SIK3: variants seen among roughly 807,000 people sequenced by gnomAD.
SIK3 encodes SIK family kinase 3, also known as serine/threonine-protein kinase SIK3.
Under a neutral mutation model 144.2 loss-of-function variants are expected in SIK3, and 28 were observed. That is an observed-to-expected ratio of 0.19 (90% CI 0.14 to 0.27). SIK3 has a LOEUF of 0.27. Ranked by LOEUF, SIK3 falls within the 10% of genes least tolerant of loss-of-function variation. SIK3 has a pLI of 1.00. For missense variants in SIK3, 1,319 were observed against 1,776.0 expected (o/e 0.74, Z 4.62); for synonymous variants, 686 against 676.3 (o/e 1.01, Z -0.22).
intron 4 of SIK3, among the ~76,000 whole-genome samples, chr11:116,912,532 C>T (rs950113076): frequency 1.3e-5 from 2 of 152,194 alleles, no homozygotes. Context: ...TACTAGTGTT[C>T]TCAGTGTCTC....
In SIK3 at chr11:117,070,752, CTTTTT is replaced by C. The variant is rs368884148; in HGVS notation, c.273+27386_273+27390del. ...TGAGCCACTGCGCCCGGCCCTTTTT[CTTTTT>C]TTTTTTTTTTTTGTGACGAAGTTTC... On this transcript the variant is annotated intron_variant, in intron 1 of 24. Transcript: ENST00000445177. Among the ~76,000 whole-genome samples the C allele has an allele frequency of 2.3e-5, 3 of 128,148 alleles. No individual in the cohort carries two copies. The East Asian group carries it at 6.7e-4, about 29-fold the overall frequency. The allele number at this position is 128,148 out of a possible 152,430, so 84.1% of individuals were successfully genotyped here. A position where few individuals can be genotyped will look rare whatever the true frequency, so the allele number is the denominator to read the frequency against.
rs954746660 is a variant in SIK3, at chr11:116,843,603, TTAG to T, written c.*2037_*2039del. The stretch of plus-strand genomic sequence containing the variant: ...AAGTGTAGTTTGCAAGATGGCACGG[TTAG>T]TAGGCTCACTGGCTTTCATCTGTTG... On this transcript the variant is annotated 3_prime_UTR_variant, in exon 25 of 25. Transcript: ENST00000445177. The T allele has an allele frequency of 5.3e-5, 8 of 152,098 alleles. No homozygotes were observed. The highest frequency in any genetic ancestry group is 1.9e-4 in the African/African-American group (8 of 41,396). The allele number at this position is 152,098 out of a possible 1,614,324, so 9.4% of individuals were successfully genotyped here.
At chr11:116,985,507 T>C (rs1332371521) in intron 1 of SIK3, among the ~76,000 whole-genome samples, 1 of 152,232 alleles carries the variant, frequency 6.6e-6, no homozygotes. Flanking sequence ...CTTATCCATC[T>C]AGACATCAAA....
chr11:117,088,186 A>T (rs1246127220), intron 1 of SIK3, among the ~76,000 whole-genome samples: 1 of 152,200 alleles, frequency 6.6e-6, no homozygotes, highest in African/African-American at 2.4e-5. Flanking sequence ...GCAGAGAGCC[A>T]TGATCACATC....
At chr11:116,893,357 T>C (rs1945231154) in intron 6 of SIK3, among the ~76,000 whole-genome samples, 1 of 152,110 alleles carries the variant, frequency 6.6e-6, no homozygotes, top group African/African-American at 2.4e-5. Flanking sequence ...TCAATACTGC[T>C]GTGAATCTAA....
intron 1 of SIK3, among the ~76,000 whole-genome samples, chr11:116,969,951 C>A (rs1949709126): frequency 1.3e-5 from 2 of 152,128 alleles, no homozygotes; most frequent in Admixed American, 6.6e-5. Context: ...CCCTCTAATC[C>A]TCAATGTTTT....
intron 6 of SIK3, among the ~76,000 whole-genome samples, chr11:116,895,653 G>A (rs1323272405): frequency 6.6e-6 from 1 of 152,128 alleles, no homozygotes; most frequent in Non-Finnish European, 1.5e-5. Flanking sequence ...TGTTAATTCT[G>A]AGTATCTTGT....
intron 1 of SIK3, among the ~76,000 whole-genome samples, chr11:117,091,777 GT>G (rs921202462): frequency 1.0e-3 from 155 of 152,208 alleles, no homozygotes; most frequent in African/African-American, 3.6e-3. Context: ...ATGAGTTGCT[GT>G]TTTTCTTTTG....
chr11:116,996,817 CTCA>C (rs1231730735), intron 1 of SIK3, among the ~76,000 whole-genome samples: 56 of 51,016 alleles, frequency 1.1e-3, no homozygotes, highest in African/African-American at 5.4e-3. Flanking sequence ...GAGACTCTCT[CTCA>C]AAAAAAAAAA....
intron 1 of SIK3, among the ~76,000 whole-genome samples, chr11:117,010,413 C>A (rs887142476): frequency 2.6e-5 from 4 of 152,092 alleles, no homozygotes; most frequent in Non-Finnish European, 5.9e-5. Context: ...CACCGATAAG[C>A]CAGGGAGGAC....
At chr11:116,906,949 A>G (rs1041086388) in intron 4 of SIK3, among the ~76,000 whole-genome samples, 7 of 152,196 alleles carry the variant, frequency 4.6e-5, no homozygotes, top group Non-Finnish European at 7.4e-5. Context: ...CGTCGTGGCC[A>G]TGCAGGTGAG....
At chr11:116,906,097 A>G (rs1280064449) in intron 4 of SIK3, among the ~76,000 whole-genome samples, 1 of 152,226 alleles carries the variant, frequency 6.6e-6, no homozygotes, top group African/African-American at 2.4e-5. Flanking sequence ...AGGACTTCTG[A>G]GCAGGCAGGT....
At chr11:117,003,004 T>C (rs1165147500) in intron 1 of SIK3, among the ~76,000 whole-genome samples, 1 of 152,264 alleles carries the variant, frequency 6.6e-6, no homozygotes, top group Non-Finnish European at 1.5e-5. Context: ...GTCAGTGTTC[T>C]GCCTTAAGCA....
At chr11:116,944,296 G>C (rs970410842) in intron 3 of SIK3, among the ~76,000 whole-genome samples, 1 of 152,200 alleles carries the variant, frequency 6.6e-6, no homozygotes, top group East Asian at 1.9e-4. Flanking sequence ...GGGAGCCTTG[G>C]GTCATGCCAG....
chr11:116,858,294 CTGTTGCTGCTGCTGCTGCCGT>C lies in SIK3; in HGVS notation c.3150_3170del (p.Arg1051_Gln1057del). 1 of 1,609,680 alleles carries C rather than the reference CTGTTGCTGCTGCTGCTGCCGT, an allele frequency of 6.2e-7. No homozygotes were observed. The highest frequency in any genetic ancestry group is 8.5e-7 in the Non-Finnish European group (1 of 1,177,984). On this transcript the variant is annotated inframe_deletion, in exon 21 of 25. Transcript: ENST00000445177. This position sits in a 1 kb window ranked among gnomAD's most constrained non-coding sequence, Gnocchi z 5.4. Reference sequence around the variant, plus strand: ...GTTCCTGGTATTCTTGCTGTTGCTGCTGTTGCTGCTGCTGCTGCCGTTGTTGCTGCTGCCTTTTAATGAGCT... The same window carrying C: ...GTTCCTGGTATTCTTGCTGTTGCTGCTGTTGCTGCTGCCTTTTAATGAGCT...
At chr11:117,083,259 T>C (rs1371830304) in intron 1 of SIK3, among the ~76,000 whole-genome samples, 1 of 152,182 alleles carries the variant, frequency 6.6e-6, no homozygotes, top group Non-Finnish European at 1.5e-5. Context: ...CTAAAATCAC[T>C]GGCTACCCTT....
chr11:117,076,531 A>T (rs1954544708), intron 1 of SIK3, among the ~76,000 whole-genome samples: 1 of 146,890 alleles, frequency 6.8e-6, no homozygotes, highest in African/African-American at 2.5e-5. Context: ...CTTAAACACA[A>T]TTTTTTTTTT....
intron 1 of SIK3, among the ~76,000 whole-genome samples, chr11:117,030,847 TA>T (rs1476222035): frequency 6.6e-6 from 1 of 152,158 alleles, no homozygotes; most frequent in African/African-American, 2.4e-5. Context: ...TTTTAAAAAT[TA>T]AACTCTATTT....
chr11:116,922,907 C>CTTTTTTTTTTTTTT (rs202058609), intron 4 of SIK3, among the ~76,000 whole-genome samples: 18 of 102,174 alleles, frequency 1.8e-4, no homozygotes, highest in Middle Eastern at 5.6e-3. Context: ...TTTCTTTTCT[C>CTTTTTTTTTTTTTT]TTTTTTTTTT....
Sources: gnomAD v4.1 joint callset for allele counts (sites outside exome capture counted in the v4.1 genomes callset) on GRCh38, gnomAD v4.1.1 for gene constraint, Gnocchi (gnomAD v3.1) non-coding constraint, MANE v1.5 for transcripts, NCBI Gene and HGNC (gene_info 2026-07-23, HGNC 2026-07-21) for gene names.